The following SLCO3A1 variants were observed in gnomAD, a reference collection of about 807,000 sequenced individuals.
SLCO3A1 encodes solute carrier organic anion transporter family member 3A1, also known as PGE1 transporter.
SLCO3A1 carries 27 observed loss-of-function variants against 63.1 expected under a neutral mutation model. The observed-to-expected ratio is 0.43, with a 90% CI of 0.32 to 0.59. The LOEUF (loss-of-function observed/expected upper bound fraction) is 0.59. SLCO3A1 is among the 20% of genes least tolerant of loss of function. The probability of loss-of-function intolerance (pLI) is 0.09; values close to 1 mark genes in which losing one functional copy is unlikely to be tolerated. For missense variants in SLCO3A1, 773 were observed against 945.8 expected (o/e 0.82, Z 2.40); for synonymous variants, 473 against 409.9 (o/e 1.15, Z -1.86).
At chr15:92,104,071 A>AG (rs1320694476) in intron 3 of SLCO3A1, among the ~76,000 whole-genome samples, 1 of 152,176 alleles carries the variant, frequency 6.6e-6, no homozygotes, top group Non-Finnish European at 1.5e-5. Context: ...AAGAAAATTA[A>AG]GGGGGGAATG....
At position 91,988,428 on chromosome 15, in the gene SLCO3A1, C is replaced by T. The variant is rs1245561437; in HGVS notation, c.646+71970C>T. Reference sequence around the variant, plus strand: ...AATAAATTAACATTTAAAAATAAAACTAATTTTATTTTTAAATGTTATTTT... The same window carrying T: ...AATAAATTAACATTTAAAAATAAAATTAATTTTATTTTTAAATGTTATTTT... On this transcript the variant is annotated intron_variant, in intron 2 of 9. Transcript: ENST00000318445. Among the ~76,000 whole-genome samples, 3 of 152,052 alleles carry T rather than the reference C, an allele frequency of 2.0e-5. No homozygotes were observed. In the South Asian group the frequency reaches 6.2e-4, roughly 32 times the overall value.
At chr15:92,009,217 T>G (rs1393686863) in intron 2 of SLCO3A1, among the ~76,000 whole-genome samples, 1 of 152,162 alleles carries the variant, frequency 6.6e-6, no homozygotes, top group Non-Finnish European at 1.5e-5. Flanking sequence ...TCTGCCTCAC[T>G]CACCATCAGA....
chr15:91,904,943 A>C (rs1262511190), intron 1 of SLCO3A1, among the ~76,000 whole-genome samples: 1 of 152,250 alleles, frequency 6.6e-6, no homozygotes, highest in Non-Finnish European at 1.5e-5. Flanking sequence ...AGGAATTTAC[A>C]TACAATGATT....
rs985584874 is a variant in SLCO3A1 at position 91,882,451 on chromosome 15, A to G, written c.180+28363A>G. 6.6e-6 allele frequency among the ~76,000 whole-genome samples: 1 copy of G among 152,214 alleles called. No homozygotes were observed. Among genetic ancestry groups the G allele is most frequent in the African/African-American group, 2.4e-5 (1 of 41,464 alleles). On this transcript the variant is annotated intron_variant, in intron 1 of 9. Coordinates refer to ENST00000318445, the MANE Select transcript of SLCO3A1 (RefSeq NM_013272.4). The surrounding 1 kb of genome is among the most constrained non-coding windows in gnomAD (Gnocchi z 4.4). ...TCAATGAATGATCAAACAGAGGGAC[A>G]TGAAATTTGCTAATACGGTATAGAT...
chr15:92,076,609 C>G (rs1234119579), intron 2 of SLCO3A1, among the ~76,000 whole-genome samples: 1 of 152,202 alleles, frequency 6.6e-6, no homozygotes, highest in Non-Finnish European at 1.5e-5. Flanking sequence ...GAGCCTGATT[C>G]TCATTCTGCT....
At chr15:92,053,473 C>T (rs979447321) in intron 2 of SLCO3A1, among the ~76,000 whole-genome samples, 14 of 152,058 alleles carry the variant, frequency 9.2e-5, no homozygotes, top group Admixed American at 2.6e-4. Context: ...TATTCAGATG[C>T]GTGTAGTTTT....
At chr15:91,868,915 G>A (rs767476741) in intron 1 of SLCO3A1, among the ~76,000 whole-genome samples, 18 of 152,220 alleles carry the variant, frequency 1.2e-4, no homozygotes, top group Admixed American at 7.2e-4. Context: ...TGCTGTCATA[G>A]TTTCAAATGA....
chr15:92,059,846 TTC>T (rs1328416011), intron 2 of SLCO3A1, among the ~76,000 whole-genome samples: 1 of 152,184 alleles, frequency 6.6e-6, no homozygotes, highest in African/African-American at 2.4e-5. Flanking sequence ...TGAAGACACT[TTC>T]TGAGAAATGC....
At chr15:92,127,685 G>A (rs28666689) in intron 6 of SLCO3A1, among the ~76,000 whole-genome samples, 3,654 of 152,066 alleles carry the variant, frequency 0.024, 142 homozygotes, top group African/African-American at 0.084. Flanking sequence ...TCTTTTTTCA[G>A]TTTGCTTGCT....
chr15:91,928,805 C>T (rs1246419651), intron 2 of SLCO3A1, among the ~76,000 whole-genome samples: 1 of 152,200 alleles, frequency 6.6e-6, no homozygotes, highest in African/African-American at 2.4e-5. Context: ...TTTTCAAAAT[C>T]TCCTTGTAGT....
chr15:91,922,872 G>A (rs969731906), intron 2 of SLCO3A1, among the ~76,000 whole-genome samples: 1 of 152,176 alleles, frequency 6.6e-6, no homozygotes, highest in Non-Finnish European at 1.5e-5. Context: ...CAGTGTGTTT[G>A]TAGCAGCCTG....
At chr15:92,095,013 C>A in intron 3 of SLCO3A1, 34 bp downstream of exon 3, 1 of 1,419,674 alleles carries the variant, frequency 7.0e-7, no homozygotes, top group Non-Finnish European at 1.0e-6. Context: ...ACCTTCCATC[C>A]GCAAGCGTTT....
chr15:91,872,572 G>A lies in SLCO3A1; in HGVS notation c.180+18484G>A, dbSNP rs757410345. 8.6e-5 allele frequency among the ~76,000 whole-genome samples: 13 copies of A among 151,896 alleles called. No homozygotes were observed. Among genetic ancestry groups the A allele is most frequent in the South Asian group, 2.1e-4 (1 of 4,822 alleles). On this transcript the variant is annotated intron_variant, in intron 1 of 9. Transcript: ENST00000318445. This position sits in a 1 kb window ranked among gnomAD's most constrained non-coding sequence, Gnocchi z 4.1. ...AAAGAAAAAAGAAGAAAGAAAGAAC[G>A]TGCCCAAGCCCAAGTTGGCACAGCT...
chr15:92,165,895 G>T lies in SLCO3A1; in HGVS notation c.*2760G>T. 1 of 985,278 alleles carries T rather than the reference G, an allele frequency of 1.0e-6. No homozygotes were observed. Among genetic ancestry groups the T allele is most frequent in the Non-Finnish European group, 1.2e-6 (1 of 829,832 alleles). The allele number at this position is 985,278 out of a possible 1,614,324, so 61.0% of individuals were successfully genotyped here. A position where few individuals can be genotyped will look rare whatever the true frequency, so the allele number is the denominator to read the frequency against. ...AAATGTACGGGATGGAATAAACCTA[G>T]AAAGTGAATGCTAGAGTTCTCTCTC... On this transcript the variant is annotated 3_prime_UTR_variant, in exon 10 of 10. Coordinates refer to ENST00000318445, the MANE Select transcript of SLCO3A1 (RefSeq NM_013272.4).
intron 2 of SLCO3A1, among the ~76,000 whole-genome samples, chr15:92,016,538 G>A (rs998802529): frequency 2.0e-5 from 3 of 152,192 alleles, no homozygotes; most frequent in Non-Finnish European, 4.4e-5. Flanking sequence ...GCCTTTGTAA[G>A]TTGACATGGA....
At chr15:92,019,102 T>C (rs1185545230) in intron 2 of SLCO3A1, among the ~76,000 whole-genome samples, 1 of 152,074 alleles carries the variant, frequency 6.6e-6, no homozygotes, top group African/African-American at 2.4e-5. Context: ...AATGGTAGCA[T>C]GTGTGGGCTG....
At chr15:92,025,639 C>T (rs2046564252) in intron 2 of SLCO3A1, among the ~76,000 whole-genome samples, 2 of 152,188 alleles carry the variant, frequency 1.3e-5, no homozygotes, top group South Asian at 4.1e-4. Context: ...CAAACTGAGG[C>T]TGGACATGAG....
intron 2 of SLCO3A1, among the ~76,000 whole-genome samples, chr15:92,000,136 A>G (rs1419410395): frequency 1.3e-5 from 2 of 152,210 alleles, no homozygotes; most frequent in Non-Finnish European, 2.9e-5. Context: ...ACAAAATGGC[A>G]CCTTAAATTA....
At chr15:91,861,067 T>A (rs532579587) in intron 1 of SLCO3A1, among the ~76,000 whole-genome samples, 63 of 152,326 alleles carry the variant, frequency 4.1e-4, no homozygotes, top group African/African-American at 1.5e-3. Flanking sequence ...GAATTGGGCC[T>A]TTCTCAGTGA....
Sources: allele counts gnomAD v4.1 joint callset (sites outside exome capture counted in the v4.1 genomes callset), GRCh38; gene constraint gnomAD v4.1.1; non-coding constraint Gnocchi (gnomAD v3.1); transcripts MANE v1.5; gene names NCBI Gene and HGNC (gene_info 2026-07-23, HGNC 2026-07-21).